DNAH3: variants seen among roughly 807,000 people sequenced by gnomAD.
DNAH3 encodes the protein dynein axonemal heavy chain 3, also known as axonemal beta dynein heavy chain 3.
In DNAH3, 332 loss-of-function variants were observed where a neutral mutation model predicts 432.5. The ratio of observed to expected loss-of-function variants is 0.77; its 90% CI spans 0.70 to 0.84. The LOEUF (loss-of-function observed/expected upper bound fraction) is 0.84, where lower values mean the gene tolerates loss of function less well. Among genes scored for constraint, DNAH3 ranks in the 40% least tolerant of loss-of-function variants. DNAH3 has a pLI of 0.00. For missense variants in DNAH3, 4,861 were observed against 5,114.0 expected (o/e 0.95, Z 1.51); for synonymous variants, 1,956 against 1,900.2 (o/e 1.03, Z -0.76).
chr16:21,120,941 G>T, intron 10 of DNAH3: 1 of 968,636 alleles, frequency 1.0e-6, no homozygotes, highest in Non-Finnish European at 1.6e-6. Flanking sequence ...GCTGCCCAGT[G>T]TTTCTTCTCC....
intron 44 of DNAH3, among the ~76,000 whole-genome samples, chr16:20,996,178 T>C (rs999363457): frequency 3.9e-5 from 6 of 152,234 alleles, no homozygotes; most frequent in African/African-American, 1.4e-4. Context: ...CCTGAAATTC[T>C]TTCCATAGTT....
intron 14 of DNAH3, among the ~76,000 whole-genome samples, chr16:21,110,567 G>A (rs2092046820): frequency 6.6e-6 from 1 of 152,194 alleles, no homozygotes; most frequent in Non-Finnish European, 1.5e-5. Flanking sequence ...CCTGAAGCTA[G>A]AAACCCTAAA....
At chr16:21,024,546 G>T in intron 39 of DNAH3, 50 bp downstream of exon 39, 1 of 1,393,796 alleles carries the variant, frequency 7.2e-7, no homozygotes, top group Non-Finnish European at 9.8e-7. Flanking sequence ...CCCTCGAGAT[G>T]AAAAGCAGGG....
At chr16:21,127,586 G>T in intron 8 of DNAH3, 101 bp downstream of exon 9, 3 of 1,371,266 alleles carry the variant, frequency 2.2e-6, no homozygotes, top group Admixed American at 2.3e-5. Context: ...ACGAAAGGAT[G>T]CCAGTGGGAC....
In DNAH3 at chr16:20,973,836, C is replaced by T. The variant is rs750954335; in HGVS notation, c.8259+1397G>A. Among the ~76,000 whole-genome samples the T allele has an allele frequency of 4.5e-4, 69 of 151,952 alleles. 1 individual carries two copies. The highest frequency in any genetic ancestry group is 3.7e-4 in the Non-Finnish European group (25 of 68,004). On this transcript the variant is annotated intron_variant, in intron 51 of 61. Transcript: ENST00000261383. ...TAATTTAGCAAAAATACAATGGAGACGAAGGAAACAGCCATGTGGATATCA... is the reference window on the plus strand; with the variant it reads ...TAATTTAGCAAAAATACAATGGAGATGAAGGAAACAGCCATGTGGATATCA...
At chr16:21,014,958 A>C (rs2087788464) in intron 41 of DNAH3, among the ~76,000 whole-genome samples, 1 of 152,240 alleles carries the variant, frequency 6.6e-6, no homozygotes, top group Non-Finnish European at 1.5e-5. Flanking sequence ...AAATAGAGAG[A>C]TAATCCATGT....
chr16:20,949,609 G>C (rs2084220512), intron 56 of DNAH3, among the ~76,000 whole-genome samples: 1 of 152,174 alleles, frequency 6.6e-6, no homozygotes, highest in South Asian at 2.1e-4. Flanking sequence ...GGTGGATAAA[G>C]AGGGACTAGT....
At chr16:20,996,119 A>G (rs1253042948) in intron 44 of DNAH3, among the ~76,000 whole-genome samples, 1 of 152,166 alleles carries the variant, frequency 6.6e-6, no homozygotes, top group Non-Finnish European at 1.5e-5. Flanking sequence ...TTTTTATGTG[A>G]CGATTTGGGA....
At chr16:21,107,138 C>T (rs1282264748) in intron 14 of DNAH3, among the ~76,000 whole-genome samples, 3 of 151,952 alleles carry the variant, frequency 2.0e-5, no homozygotes, top group Non-Finnish European at 4.4e-5. Context: ...CACCATACTA[C>T]CTCTCATACA....
intron 41 of DNAH3, among the ~76,000 whole-genome samples, chr16:21,013,839 A>G (rs1423636616): frequency 6.6e-6 from 1 of 152,220 alleles, no homozygotes; most frequent in African/African-American, 2.4e-5. Flanking sequence ...TTGATAAATA[A>G]AATAGACCAA....
chr16:21,052,848 G>A (rs534940491), intron 28 of DNAH3, among the ~76,000 whole-genome samples: 15 of 152,268 alleles, frequency 9.9e-5, no homozygotes, highest in Middle Eastern at 3.4e-3. Context: ...TGCAATCAGC[G>A]TGGCCTTATA....
chr16:21,073,069 T>C (rs1056252649), intron 21 of DNAH3, among the ~76,000 whole-genome samples: 5 of 152,046 alleles, frequency 3.3e-5, no homozygotes, highest in African/African-American at 9.7e-5. Flanking sequence ...TCCTGGGCCA[T>C]TGTGGCAAGC....
chr16:20,964,447 G>T, exon 53 of DNAH3: 2 of 1,614,188 alleles, frequency 1.2e-6, no homozygotes. Context: ...CTGTTTGAAT[G>T]TTGCCTTGAG....
chr16:21,121,979 A>C, exon 10 of DNAH3: 1 of 1,613,250 alleles, frequency 6.2e-7, no homozygotes, highest in South Asian at 1.1e-5. Flanking sequence ...AATAATTTCC[A>C]GGAAAGAGTC....
intron 41 of DNAH3, among the ~76,000 whole-genome samples, chr16:21,017,958 A>C (rs1301475067): frequency 6.6e-6 from 1 of 152,132 alleles, no homozygotes; most frequent in Non-Finnish European, 1.5e-5. Flanking sequence ...GTTTTAGTAC[A>C]TACCTGGTCA....
intron 39 of DNAH3, among the ~76,000 whole-genome samples, chr16:21,024,013 C>A (rs574607818): frequency 6.6e-6 from 1 of 152,164 alleles, no homozygotes; most frequent in South Asian, 2.1e-4. Context: ...GCAAGAGGAA[C>A]CACAGACACC....
At chr16:21,026,252 C>A (rs981722913) in intron 38 of DNAH3, among the ~76,000 whole-genome samples, 4 of 152,076 alleles carry the variant, frequency 2.6e-5, no homozygotes, top group African/African-American at 9.7e-5. Context: ...GTTTTAGACT[C>A]CCACCAGTAG....
At chr16:20,959,620 C>T (rs1320255399) in intron 53 of DNAH3, among the ~76,000 whole-genome samples, 2 of 124,342 alleles carry the variant, frequency 1.6e-5, no homozygotes, top group Non-Finnish European at 3.6e-5. Context: ...AACACACACA[C>T]ACACACACAC....
Position 20,975,159 on chromosome 16 carries a change from C to G in DNAH3, c.8259+74G>C, listed in dbSNP as rs566038566. 73 of 1,543,486 alleles carry G rather than the reference C, an allele frequency of 4.7e-5. No individual in the cohort carries two copies. In the African/African-American group the frequency reaches 1.0e-3, roughly 21 times the overall value. The stretch of plus-strand genomic sequence containing the variant: ...CCTACCCTTTCTGAGCCTCACTTTT[C>G]TCATCCGTAAGATGGGTATAACCAC... On this transcript the variant is annotated intron_variant, in intron 51 of 61. Coordinates refer to ENST00000261383, the Ensembl canonical transcript of DNAH3.
Sources: allele counts gnomAD v4.1 joint callset (sites outside exome capture counted in the v4.1 genomes callset), GRCh38; gene constraint gnomAD v4.1.1; transcripts MANE v1.5; gene names NCBI Gene and HGNC (gene_info 2026-07-23, HGNC 2026-07-21).